GRK5: variants seen among roughly 807,000 people sequenced by gnomAD.
GRK5 encodes g protein-coupled receptor kinase GRK5.
GRK5 carries 40 observed loss-of-function variants against 78.4 expected under a neutral mutation model. That is an observed-to-expected ratio of 0.51 (90% CI 0.40 to 0.66). GRK5 has a LOEUF of 0.66. GRK5 is among the 30% of genes least tolerant of loss of function. GRK5 has a pLI of 0.00. For synonymous variants in GRK5, 289 were observed against 296.8 expected (o/e 0.97, Z 0.27); for missense variants, 598 against 759.9 (o/e 0.79, Z 2.50).
chr10:119,354,118 T>TA (rs1387867024), intron 2 of GRK5, among the ~76,000 whole-genome samples: 2 of 151,774 alleles, frequency 1.3e-5, no homozygotes, highest in East Asian at 1.9e-4. Context: ...TTTCTTTATT[T>TA]AAAAAAATGT....
Position 119,452,601 on chromosome 10 carries a change from C to T in GRK5, c.1405-70C>T, listed in dbSNP as rs943719860. The stretch of plus-strand genomic sequence containing the variant: ...GACTCCCTTCTGCTCCCCAAAACCC[C>T]AAGGCCTGGCTCGGGGCCACTGGAG... On this transcript the variant is annotated intron_variant, in intron 13 of 15. Coordinates refer to ENST00000392870, the MANE Select transcript of GRK5 (RefSeq NM_005308.3). The surrounding 1 kb of genome is among the most constrained non-coding windows in gnomAD (Gnocchi z 4.4). 1 of 1,593,062 alleles carries T rather than the reference C, an allele frequency of 6.3e-7. No individual in the cohort carries two copies. The highest frequency in any genetic ancestry group is 1.3e-5 in the African/African-American group (1 of 74,608).
rs926147965 is a variant in GRK5 at position 119,452,565 on chromosome 10, T to G, written c.1405-106T>G. ...ACTACCCATAGCAGTTCTGGGGGTG[T>G]GTCCTGGGAAGACTCCCTTCTGCTC... On this transcript the variant is annotated intron_variant, in intron 13 of 15. Coordinates refer to ENST00000392870, the MANE Select transcript of GRK5 (RefSeq NM_005308.3). This position sits in a 1 kb window ranked among gnomAD's most constrained non-coding sequence, Gnocchi z 4.4. The G allele has an allele frequency of 7.5e-7, 1 of 1,329,674 alleles. No individual in the cohort carries two copies. Among genetic ancestry groups the G allele is most frequent in the African/African-American group, 1.4e-5 (1 of 69,378 alleles). The allele number at this position is 1,329,674 out of a possible 1,614,324, so 82.4% of individuals were successfully genotyped here.
Position 119,455,374 on chromosome 10 carries a change from TG to T in GRK5, c.*308del, listed in dbSNP as rs1389824786. The T allele has an allele frequency of 1.8e-6, 1 of 543,762 alleles. No homozygotes were observed. Among genetic ancestry groups the T allele is most frequent in the Non-Finnish European group, 3.4e-6 (1 of 297,252 alleles). 33.7% of individuals were successfully genotyped at this position (543,762 alleles called of 1,614,324 possible). On this transcript the variant is annotated 3_prime_UTR_variant, in exon 16 of 16. Transcript: ENST00000392870. Reference sequence around the variant, plus strand: ...TAGCGTCATAACTAGAACTGAATTTTGTCTTTATGATTTTTAAAGAAAAGTT... The same window carrying T: ...TAGCGTCATAACTAGAACTGAATTTTTCTTTATGATTTTTAAAGAAAAGTT...
intron 1 of GRK5, among the ~76,000 whole-genome samples, chr10:119,212,106 A>G (rs116322768): frequency 0.01 from 1,590 of 152,212 alleles, 34 homozygotes; most frequent in African/African-American, 0.037. Context: ...CGGTGTGTGT[A>G]AAAGCAGCCT....
rs572291895 is a variant in GRK5, at chr10:119,271,178, G to A, written c.53-55338G>A. Among the ~76,000 whole-genome samples the A allele has an allele frequency of 2.0e-5, 3 of 152,252 alleles. No homozygotes were observed. The highest frequency in any genetic ancestry group is 2.1e-4 in the South Asian group (1 of 4,812). On this transcript the variant is annotated intron_variant, in intron 1 of 15. Coordinates refer to ENST00000392870, the MANE Select transcript of GRK5 (RefSeq NM_005308.3). This position sits in a 1 kb window ranked among gnomAD's most constrained non-coding sequence, Gnocchi z 4.1. The stretch of plus-strand genomic sequence containing the variant: ...CGCCGTTAGGGAGGGAGTGTTCACC[G>A]GAAACCTGCCCGGGCCACACGTGTA...
At chr10:119,448,007 C>T in intron 12 of GRK5, 116 bp from the exon 13 acceptor site, 1 of 1,277,988 alleles carries the variant, frequency 7.8e-7, no homozygotes. Context: ...AAGACCTTTG[C>T]AGGGTGGGGC....
chr10:119,376,692 G>A (rs1851626943), intron 2 of GRK5, among the ~76,000 whole-genome samples: 1 of 151,064 alleles, frequency 6.6e-6, no homozygotes, highest in African/African-American at 2.4e-5. Flanking sequence ...AGCCTCCCAA[G>A]TAGCTGGGAT....
intron 2 of GRK5, among the ~76,000 whole-genome samples, chr10:119,339,768 C>A (rs765019308): frequency 9.9e-5 from 15 of 152,036 alleles, no homozygotes; most frequent in Non-Finnish European, 1.9e-4. Flanking sequence ...GCAGTGTGAG[C>A]CTGTAGTTCC....
chr10:119,328,681 T>C (rs1722479262), intron 2 of GRK5, among the ~76,000 whole-genome samples: 1 of 152,160 alleles, frequency 6.6e-6, no homozygotes, highest in Non-Finnish European at 1.5e-5. Context: ...GAGAGACCTT[T>C]CTGGGGTGTT....
intron 1 of GRK5, among the ~76,000 whole-genome samples, chr10:119,240,603 T>A (rs548723687): frequency 3.2e-4 from 49 of 152,328 alleles, no homozygotes; most frequent in African/African-American, 8.4e-4. Flanking sequence ...AGCTTTTTTT[T>A]AATATGTTTG....
chr10:119,386,057 G>A (rs564526804), intron 3 of GRK5, among the ~76,000 whole-genome samples: 192 of 152,182 alleles, frequency 1.3e-3, no homozygotes, highest in African/African-American at 4.0e-3. Context: ...GCTAATTTTT[G>A]TATTCTTTGT....
intron 2 of GRK5, among the ~76,000 whole-genome samples, chr10:119,352,673 G>A (rs927838248): frequency 3.3e-5 from 5 of 152,160 alleles, no homozygotes; most frequent in African/African-American, 4.8e-5. Flanking sequence ...AAGTTGCAGC[G>A]ATTATGTCAC....
Position 119,208,089 on chromosome 10 carries a change from C to T in GRK5, c.52+120C>T, listed in dbSNP as rs1848419705. On this transcript the variant is annotated intron_variant, in intron 1 of 15. Coordinates refer to ENST00000392870, the MANE Select transcript of GRK5 (RefSeq NM_005308.3). ...ATGCCCGCTGCCGGCGAGTGGGTCG[C>T]GAGCAGGACACTTCGGAGAGCGGCT... is the stretch of plus-strand genomic sequence containing the variant. 4 of 876,498 alleles carry T rather than the reference C, an allele frequency of 4.6e-6. No individual in the cohort carries two copies. The South Asian group carries it at 7.0e-5, about 15-fold the overall frequency. 54.3% of individuals were successfully genotyped at this position (876,498 alleles called of 1,614,324 possible).
chr10:119,287,774 G>A (rs766435428), intron 1 of GRK5, among the ~76,000 whole-genome samples: 1 of 152,178 alleles, frequency 6.6e-6, no homozygotes, highest in African/African-American at 2.4e-5. Context: ...ACCGTATCCA[G>A]CGCCGGGGCT....
At chr10:119,394,300 G>GTGTGGGTGTGTGTA (rs1851966501) in intron 3 of GRK5, among the ~76,000 whole-genome samples, 1 of 9,412 alleles carries the variant, frequency 1.1e-4, no homozygotes, top group African/African-American at 3.8e-4. Context: ...GTATCTGTGT[G>GTGTGGGTGTGTGTA]TCTGTGTGGG....
In GRK5 at chr10:119,430,174, G is replaced by C. The variant is rs996825533; in HGVS notation, c.534-201G>C. On this transcript the variant is annotated intron_variant, in intron 6 of 15. Transcript: ENST00000392870. This position sits in a 1 kb window ranked among gnomAD's most constrained non-coding sequence, Gnocchi z 4.5. Reference sequence around the variant, plus strand: ...CAGGGGGCTGGGGGCTGGGGGCCAGGGGGCTTGGGATTTGAACACTCAGCT... The same window carrying C: ...CAGGGGGCTGGGGGCTGGGGGCCAGCGGGCTTGGGATTTGAACACTCAGCT... 1.3e-5 allele frequency among the ~76,000 whole-genome samples: 2 copies of C among 152,148 alleles called. No homozygotes were observed. Among genetic ancestry groups the C allele is most frequent in the African/African-American group, 4.8e-5 (2 of 41,430 alleles).
intron 1 of GRK5, among the ~76,000 whole-genome samples, chr10:119,214,013 C>T (rs1250775563): frequency 6.6e-6 from 1 of 152,180 alleles, no homozygotes; most frequent in East Asian, 1.9e-4. Context: ...TCTGCTCTGT[C>T]GCGCAGGCTA....
chr10:119,363,719 G>A (rs1358653826), intron 2 of GRK5, among the ~76,000 whole-genome samples: 2 of 152,176 alleles, frequency 1.3e-5, no homozygotes, highest in African/African-American at 4.8e-5. Context: ...GGAAGAAGGG[G>A]CACACCTTTT....
rs1322649844 is a variant in GRK5 at position 119,264,070 on chromosome 10, A to T, written c.52+56101A>T. 6.6e-6 allele frequency among the ~76,000 whole-genome samples: 1 copy of T among 152,246 alleles called. No homozygotes were observed. The highest frequency in any genetic ancestry group is 6.5e-5 in the Admixed American group (1 of 15,274). On this transcript the variant is annotated intron_variant, in intron 1 of 15. Transcript: ENST00000392870. This position sits in a 1 kb window ranked among gnomAD's most constrained non-coding sequence, Gnocchi z 4.1. Reference sequence around the variant, plus strand: ...GGAGGCAGATTGGAGAGAGGTTCTCAGCATGACTTTTCTCAAATGTGATGC... The same window carrying T: ...GGAGGCAGATTGGAGAGAGGTTCTCTGCATGACTTTTCTCAAATGTGATGC...
Sources: allele counts gnomAD v4.1 joint callset (sites outside exome capture counted in the v4.1 genomes callset), GRCh38; gene constraint gnomAD v4.1.1; non-coding constraint Gnocchi (gnomAD v3.1); transcripts MANE v1.5; gene names NCBI Gene and HGNC (gene_info 2026-07-23, HGNC 2026-07-21).